Variants in MAST2 observed in about 807,000 individuals in gnomAD.
The protein encoded by MAST2 is microtubule associated serine/threonine kinase 2.
Under a neutral mutation model 147.4 loss-of-function variants are expected in MAST2, and 70 were observed. The ratio of observed to expected loss-of-function variants is 0.47; its 90% CI spans 0.39 to 0.58. The LOEUF is 0.58. MAST2 is among the 20% of genes least tolerant of loss of function. The pLI, the probability that MAST2 is intolerant of heterozygous loss-of-function variation, is 0.00. For missense variants in MAST2, 2,080 were observed against 2,302.3 expected (o/e 0.90, Z 1.98); for synonymous variants, 869 against 896.8 (o/e 0.97, Z 0.55).
rs961222688 is a variant in MAST2, at chr1:45,984,594, C to A, written c.593-13130C>A. ...AAAGTACTGAGATTACAGGCAAGAA[C>A]CACCACCCCTGGCCTATTTTTTATC... On this transcript the variant is annotated intron_variant, in intron 5 of 28. Transcript: ENST00000361297. Among the ~76,000 whole-genome samples, 3 of 152,066 alleles carry A rather than the reference C, an allele frequency of 2.0e-5. No individual in the cohort carries two copies. In the East Asian group the frequency reaches 5.8e-4, roughly 29 times the overall value.
intron 5 of MAST2, among the ~76,000 whole-genome samples, chr1:45,965,280 C>T (rs1385038226): frequency 3.3e-5 from 5 of 152,140 alleles, no homozygotes; most frequent in African/African-American, 1.2e-4. Context: ...TCCTTGTTAA[C>T]TTTCTGTCTC....
intron 4 of MAST2, among the ~76,000 whole-genome samples, chr1:45,935,508 G>A (rs188593433): frequency 1.2e-4 from 19 of 152,252 alleles, no homozygotes; most frequent in Admixed American, 1.2e-3. Context: ...GTTTCTACTA[G>A]GGTTGTTATA....
intron 12 of MAST2, 80 bp from the exon 13 acceptor site, chr1:46,022,830 C>A: frequency 9.8e-7 from 1 of 1,023,320 alleles, no homozygotes; most frequent in Non-Finnish European, 1.6e-6. Flanking sequence ...ACCCTACATG[C>A]ACCTGTTGTG....
chr1:45,962,424 C>T (rs1660563371), intron 5 of MAST2, among the ~76,000 whole-genome samples: 1 of 152,118 alleles, frequency 6.6e-6, no homozygotes, highest in Admixed American at 6.5e-5. Context: ...ACATCCTCTC[C>T]AGCACCTGTT....
At chr1:45,865,226 A>G in intron 3 of MAST2, 9 of 414,570 alleles carry the variant, frequency 2.2e-5, no homozygotes, top group South Asian at 1.6e-4. Flanking sequence ...AATGTATTTA[A>G]TTCATTTGAG....
At chr1:45,840,570 G>A (rs1381897173) in intron 3 of MAST2, among the ~76,000 whole-genome samples, 2 of 152,184 alleles carry the variant, frequency 1.3e-5, no homozygotes, top group African/African-American at 2.4e-5. Context: ...CTTCGCTCAT[G>A]CAGTTTTTAG....
chr1:45,968,273 C>A (rs1045993128), intron 5 of MAST2, among the ~76,000 whole-genome samples: 2 of 152,220 alleles, frequency 1.3e-5, no homozygotes, highest in Non-Finnish European at 2.9e-5. Context: ...CATCACTTCT[C>A]CAGTGTGCTT....
intron 4 of MAST2, among the ~76,000 whole-genome samples, chr1:45,937,429 C>G (rs898171844): frequency 4.6e-5 from 7 of 151,926 alleles, no homozygotes; most frequent in Non-Finnish European, 1.0e-4. Flanking sequence ...CCATGCCTGG[C>G]TGAGACAAAA....
chr1:45,804,325 C>T (rs906920228), intron 1 of MAST2, among the ~76,000 whole-genome samples: 2 of 151,798 alleles, frequency 1.3e-5, no homozygotes, highest in African/African-American at 4.8e-5. Context: ...CTGGATGGGG[C>T]GAAAGGACGC....
In MAST2 at chr1:45,813,168, ATTAC is replaced by A. The variant is rs565966231; in HGVS notation, c.177+9100_177+9103del. On this transcript the variant is annotated intron_variant, in intron 1 of 28. Coordinates refer to ENST00000361297, the MANE Select transcript of MAST2 (RefSeq NM_015112.3). Reference sequence around the variant, plus strand: ...GCTATGTAAATAACTGTTACACTCTATTACTTAGGGAATAGTGACAAGAAAAAAA... The same window carrying A: ...GCTATGTAAATAACTGTTACACTCTATTAGGGAATAGTGACAAGAAAAAAA... Among the ~76,000 whole-genome samples, 29 of 152,148 alleles carry A rather than the reference ATTAC, an allele frequency of 1.9e-4. No individual in the cohort carries two copies. The South Asian group carries it at 3.3e-3, about 17-fold the overall frequency.
chr1:45,893,320 C>A (rs559575450), intron 4 of MAST2, among the ~76,000 whole-genome samples: 27 of 152,280 alleles, frequency 1.8e-4, no homozygotes, highest in Admixed American at 1.8e-3. Context: ...CCTGTTTCAG[C>A]TTCTCAGGTA....
intron 4 of MAST2, among the ~76,000 whole-genome samples, chr1:45,921,091 G>A (rs1356781110): frequency 3.3e-5 from 5 of 152,182 alleles, no homozygotes; most frequent in African/African-American, 1.2e-4. Context: ...CATCTCCCGG[G>A]TTCAAGCAGT....
Position 46,031,351 on chromosome 1 carries a change from C to T in MAST2, c.2993-40C>T, listed in dbSNP as rs1026634515. ...GAGGATACTGCAGGGCAGGGAGGCT[C>T]AGCGGCATCGCGGGTCTCACTGCTT... is the stretch of plus-strand genomic sequence containing the variant. On this transcript the variant is annotated intron_variant, in intron 23 of 28. Coordinates refer to ENST00000361297, the MANE Select transcript of MAST2 (RefSeq NM_015112.3). The surrounding 1 kb of genome is among the most constrained non-coding windows in gnomAD (Gnocchi z 4.1). 6.3e-7 allele frequency: 1 copy of T among 1,582,070 alleles called. No individual in the cohort carries two copies. The highest frequency in any genetic ancestry group is 1.7e-5 in the Admixed American group (1 of 58,122).
At position 46,023,687 on chromosome 1, in the gene MAST2, G is replaced by A. The variant is rs147224831; in HGVS notation, c.1572-85G>A. 1.6e-6 allele frequency: 2 copies of A among 1,218,182 alleles called. No individual in the cohort carries two copies. The highest frequency in any genetic ancestry group is 2.5e-5 in the East Asian group (1 of 40,306). 75.5% of individuals were successfully genotyped at this position (1,218,182 alleles called of 1,614,324 possible). ...CCCCTTGTTCTGTGCATTAATTAAGGTGTGAGAGAAGGCAGTTTGGGTGGC... is the reference window on the plus strand; with the variant it reads ...CCCCTTGTTCTGTGCATTAATTAAGATGTGAGAGAAGGCAGTTTGGGTGGC... On this transcript the variant is annotated intron_variant, in intron 14 of 28. Coordinates refer to ENST00000361297, the MANE Select transcript of MAST2 (RefSeq NM_015112.3). The surrounding 1 kb of genome is among the most constrained non-coding windows in gnomAD (Gnocchi z 4.9).
chr1:45,815,084 A>G (rs1644412104), intron 1 of MAST2, among the ~76,000 whole-genome samples: 1 of 152,208 alleles, frequency 6.6e-6, no homozygotes, highest in Non-Finnish European at 1.5e-5. Flanking sequence ...TAGTAGATGC[A>G]TATATCCTTT....
At position 46,035,180 on chromosome 1, in the gene MAST2, C is replaced by G; in HGVS notation, c.4511C>G (p.Ser1504Ter). 6.2e-7 allele frequency: 1 copy of G among 1,614,010 alleles called. No individual in the cohort carries two copies. Among genetic ancestry groups the G allele is most frequent in the Non-Finnish European group, 8.5e-7 (1 of 1,180,026 alleles). ...KQEAIREVDS[S>*]EDDTEEGPEN... ...GAAGCCATTCGTGAGGTGGACTCCT[C>G]AGAGGACGACACCGAGGAAGGGCCT... Residue 1504 changes from serine (S) to a stop codon, truncating the protein, a stop_gained, in exon 29 of 29, where the codon TCA (serine) becomes TGA (stop). Transcript: ENST00000361297. LOFTEE classifies it low-confidence loss of function (END_TRUNC). The surrounding 1 kb of genome is among the most constrained non-coding windows in gnomAD (Gnocchi z 5.5).
rs756206985 is a variant in MAST2, at chr1:46,008,287, C to A, written c.903-9C>A. On this transcript the variant is annotated splice_polypyrimidine_tract_variant and intron_variant, in intron 8 of 28. Transcript: ENST00000361297. ...ACTAAAGTAACACAATCATTTCTTT[C>A]TTTTTTAGTCCCGGACGATCCCCAG... 43 of 1,601,366 alleles carry A rather than the reference C, an allele frequency of 2.7e-5. No homozygotes were observed. In the South Asian group the frequency reaches 4.4e-4, roughly 16 times the overall value.
chr1:46,030,426 C>A, intron 21 of MAST2, 181 bp from the exon 22 acceptor site: 2 of 840,030 alleles, frequency 2.4e-6, no homozygotes, highest in Non-Finnish European at 3.6e-6. Flanking sequence ...CTGTCCCTGA[C>A]ATGAGATGCC....
intron 10 of MAST2, among the ~76,000 whole-genome samples, chr1:46,014,316 C>G (rs1388825649): frequency 1.0e-5 from 1 of 100,110 alleles, no homozygotes; most frequent in Non-Finnish European, 1.9e-5. Context: ...CTAATGCTAT[C>G]CCTCCCCCCT....
Sources: gnomAD v4.1 joint callset for allele counts (sites outside exome capture counted in the v4.1 genomes callset) on GRCh38, gnomAD v4.1.1 for gene constraint, Gnocchi (gnomAD v3.1) non-coding constraint, MANE v1.5 for transcripts, NCBI Gene and HGNC (gene_info 2026-07-23, HGNC 2026-07-21) for gene names.